The following ARID4B variants were observed in gnomAD, a reference collection of about 807,000 sequenced individuals.
ARID4B encodes AT-rich interaction domain 4B, also known as AT-rich interactive domain-containing protein 4B.
A neutral mutation model predicts 147.5 loss-of-function variants in ARID4B; 26 were observed. That is an observed-to-expected ratio of 0.18 (90% CI 0.13 to 0.24). The LOEUF is 0.24. Among genes scored for constraint, ARID4B ranks in the 10% least tolerant of loss-of-function variants. The pLI is 1.00. For synonymous variants in ARID4B, 512 were observed against 507.9 expected, an observed-to-expected ratio of 1.01 and a Z score of -0.11; for missense variants, 1,179 against 1,511.5, an observed-to-expected ratio of 0.78 and a Z score of 3.65.
intron 16 of ARID4B, among the ~76,000 whole-genome samples, chr1:235,216,133 C>T (rs780770961): frequency 3.3e-5 from 5 of 151,904 alleles, no homozygotes; most frequent in Admixed American, 6.6e-5. Context: ...GAAGTAAGTC[C>T]GTGTTCACGA....
At chr1:235,255,065 A>G (rs1669864945) in intron 5 of ARID4B, among the ~76,000 whole-genome samples, 1 of 151,996 alleles carries the variant, frequency 6.6e-6, no homozygotes, top group Non-Finnish European at 1.5e-5. Context: ...AGGATACAGT[A>G]GGTATCCTAA....
At chr1:235,302,041 C>G (rs1420870736) in intron 2 of ARID4B, among the ~76,000 whole-genome samples, 3 of 149,324 alleles carry the variant, frequency 2.0e-5, no homozygotes, top group African/African-American at 7.4e-5. Context: ...GCCATGTTGC[C>G]CAACCTGGTC....
At chr1:235,227,830 A>ATTTTTT (rs1166758894) in intron 11 of ARID4B, among the ~76,000 whole-genome samples, 3 of 125,320 alleles carry the variant, frequency 2.4e-5, no homozygotes, top group African/African-American at 6.3e-5. Context: ...CTTTTCTGCT[A>ATTTTTT]TTTTTTTTTT....
chr1:235,308,964 C>A (rs1673799530), intron 2 of ARID4B, among the ~76,000 whole-genome samples: 1 of 151,008 alleles, frequency 6.6e-6, no homozygotes, highest in South Asian at 2.1e-4. Context: ...AGCCCCTCTG[C>A]CTGGCTGCCC....
intron 19 of ARID4B, among the ~76,000 whole-genome samples, chr1:235,192,837 G>A (rs999982435): frequency 3.9e-5 from 6 of 152,128 alleles, no homozygotes; most frequent in African/African-American, 1.4e-4. Flanking sequence ...CAGGCGCGGT[G>A]GCTCACGCCT....
chr1:235,257,373 A>T (rs945292776), intron 3 of ARID4B, 148 bp from the exon 4 acceptor site: 4 of 560,632 alleles, frequency 7.1e-6, no homozygotes, highest in Non-Finnish European at 1.3e-5. Flanking sequence ...AGATTAACTA[A>T]AAAATTATTT....
chr1:235,312,312 G>A (rs968239063), intron 2 of ARID4B, among the ~76,000 whole-genome samples: 2 of 147,206 alleles, frequency 1.4e-5, no homozygotes, highest in African/African-American at 2.5e-5. Flanking sequence ...AGAAAATTAC[G>A]AACAATATGC....
In ARID4B at chr1:235,309,728, G is replaced by A. The variant is rs535110299; in HGVS notation, c.6+17186C>T. 2.6e-5 allele frequency among the ~76,000 whole-genome samples: 4 copies of A among 152,140 alleles called. No homozygotes were observed. The South Asian group carries it at 8.3e-4, about 32-fold the overall frequency. ...ATGACAATGGCGGTTTTGTGGAATA[G>A]AAAGGGGGGAAAGGTGGGGAAAAGA... On this transcript the variant is annotated intron_variant, in intron 2 of 23. Transcript: ENST00000264183.
intron 2 of ARID4B, among the ~76,000 whole-genome samples, chr1:235,282,764 A>G (rs1671739942): frequency 6.6e-6 from 1 of 152,076 alleles, no homozygotes; most frequent in Non-Finnish European, 1.5e-5. Context: ...TTTACATTAC[A>G]TACTATTTAA....
chr1:235,326,998 A>T, intron 1 of ARID4B, 30 bp from the exon 2 acceptor site: 1 of 1,458,402 alleles, frequency 6.9e-7, no homozygotes, highest in Non-Finnish European at 9.6e-7. Context: ...CACCCAGTCA[A>T]CACCACAGGA....
intron 2 of ARID4B, among the ~76,000 whole-genome samples, chr1:235,320,267 T>G (rs763950154): frequency 5.9e-5 from 9 of 152,142 alleles, no homozygotes; most frequent in Non-Finnish European, 1.5e-5. Context: ...ATCACATCAC[T>G]GCACTCCAGC....
intron 2 of ARID4B, among the ~76,000 whole-genome samples, chr1:235,289,623 T>C (rs980773711): frequency 6.7e-6 from 1 of 148,786 alleles, no homozygotes; most frequent in African/African-American, 2.5e-5. Flanking sequence ...ACTCAGGAGG[T>C]TGAGGTGGGA....
intron 2 of ARID4B, among the ~76,000 whole-genome samples, chr1:235,283,941 T>C (rs1340128373): frequency 1.3e-5 from 2 of 152,118 alleles, no homozygotes; most frequent in African/African-American, 4.8e-5. Context: ...TTCGATATGT[T>C]GGCCAGACTG....
intron 2 of ARID4B, among the ~76,000 whole-genome samples, chr1:235,271,250 G>A (rs1670967405): frequency 6.6e-6 from 1 of 152,094 alleles, no homozygotes; most frequent in Admixed American, 6.6e-5. Flanking sequence ...AGCTACTAAG[G>A]AGGCTGAGGT....
At chr1:235,214,620 T>TA (rs1558209206) in intron 16 of ARID4B, among the ~76,000 whole-genome samples, 2 of 152,098 alleles carry the variant, frequency 1.3e-5, no homozygotes, top group African/African-American at 2.4e-5. Context: ...ACTATTTTAA[T>TA]TTAAACAGAA....
chr1:235,238,050 A>T (rs1668722988), intron 8 of ARID4B, among the ~76,000 whole-genome samples: 1 of 151,548 alleles, frequency 6.6e-6, no homozygotes, highest in African/African-American at 2.4e-5. Flanking sequence ...AGGCTGAGGC[A>T]GGAGGATCAC....
intron 20 of ARID4B, among the ~76,000 whole-genome samples, chr1:235,179,761 A>T (rs1295056539): frequency 6.6e-6 from 1 of 151,592 alleles, no homozygotes; most frequent in Non-Finnish European, 1.5e-5. Flanking sequence ...CATAATAAGG[A>T]TACAACCTCT....
chr1:235,229,125 T>C (rs1278676892), intron 11 of ARID4B, 106 bp downstream of exon 11: 12 of 1,269,366 alleles, frequency 9.5e-6, no homozygotes, highest in Non-Finnish European at 1.3e-5. Context: ...ATATTTCTCA[T>C]ACTAAAAATA....
intron 2 of ARID4B, among the ~76,000 whole-genome samples, chr1:235,270,524 T>C (rs1446146440): frequency 1.3e-5 from 2 of 152,204 alleles, no homozygotes; most frequent in Admixed American, 1.3e-4. Context: ...GAGGGATATC[T>C]GCATAGTCAC....
Sources: allele counts gnomAD v4.1 joint callset (sites outside exome capture counted in the v4.1 genomes callset), GRCh38; gene constraint gnomAD v4.1.1; transcripts MANE v1.5; gene names NCBI Gene and HGNC (gene_info 2026-07-23, HGNC 2026-07-21).